KMT2E: variants seen among roughly 807,000 people sequenced by gnomAD.
The protein encoded by KMT2E is lysine methyltransferase 2E (inactive).
In KMT2E, 30 loss-of-function variants were observed where a neutral mutation model predicts 184.6. The observed-to-expected ratio is 0.16, with a 90% CI of 0.12 to 0.22. The LOEUF is 0.22. Among genes scored for constraint, KMT2E ranks in the 10% least tolerant of loss-of-function variants. The pLI, the probability that KMT2E is intolerant of heterozygous loss-of-function variation, is 1.00. For missense variants in KMT2E, 2,023 were observed against 2,237.4 expected, an observed-to-expected ratio of 0.90 and a Z score of 1.93; for synonymous variants, 815 against 776.5, an observed-to-expected ratio of 1.05 and a Z score of -0.82.
Position 105,077,399 on chromosome 7 carries a change from G to A in KMT2E, c.1096G>A (p.Glu366Lys), listed in dbSNP as rs757953663. ...IEYRGKFMLR[E>K]QFEANGYFFK... Reference sequence around the variant, plus strand: ...ATACAGAGGGAAGTTTATGCTGAGAGAACAGTTTGAAGCAAATGGGTATTT... The same window carrying A: ...ATACAGAGGGAAGTTTATGCTGAGAAAACAGTTTGAAGCAAATGGGTATTT... The change falls in exon 11 of 27, where the codon GAA becomes AAA. Residue 366 changes from glutamate (E) to lysine (K), a missense_variant. By Grantham distance (56) the Glu-to-Lys change is moderately conservative. Around this residue, in one of 8 missense-constraint regions of KMT2E, gnomAD observed 68 missense variants for 133.1 expected, o/e 0.51. Transcript: ENST00000311117. The A allele has an allele frequency of 1.2e-6, 2 of 1,609,332 alleles. No individual in the cohort carries two copies. The highest frequency in any genetic ancestry group is 8.5e-7 in the Non-Finnish European group (1 of 1,176,816).
chr7:105,032,471 T>TA (rs1486305299), intron 1 of KMT2E, among the ~76,000 whole-genome samples: 2 of 152,092 alleles, frequency 1.3e-5, no homozygotes, highest in South Asian at 2.1e-4. Flanking sequence ...TGCAGGATTT[T>TA]AAAAAAAAGT....
chr7:105,109,997 A>AT (rs927010742), intron 23 of KMT2E, among the ~76,000 whole-genome samples: 13 of 150,750 alleles, frequency 8.6e-5, no homozygotes, highest in Non-Finnish European at 1.3e-4. Context: ...TGCCTGGCTA[A>AT]TTTTTTTTTG....
chr7:105,087,956 T>A lies in KMT2E; in HGVS notation c.1359-2053T>A, dbSNP rs142399402. 5.3e-3 allele frequency among the ~76,000 whole-genome samples: 814 copies of A among 152,264 alleles called. 2 individuals are homozygous for A. The highest frequency in any genetic ancestry group is 0.014 in the Middle Eastern group (4 of 294). On this transcript the variant is annotated intron_variant, in intron 13 of 26. Transcript: ENST00000311117. ...TGATACTCTTTTTAAATGAAGTTTT[T>A]AAAATGTTCATTATGTTTTCTCTTG...
At position 105,105,710 on chromosome 7, in the gene KMT2E, A is replaced by T; in HGVS notation, c.2451+17A>T. ...TGCAAGAAGGTAAACTTTTCTTTGG[A>T]AGTAAAAATGTAGAATGAGCCAAAT... On this transcript the variant is annotated intron_variant, in intron 18 of 26. Transcript: ENST00000311117. The T allele has an allele frequency of 6.3e-7, 1 of 1,589,906 alleles. No homozygotes were observed. The highest frequency in any genetic ancestry group is 1.4e-5 in the African/African-American group (1 of 73,584).
intron 3 of KMT2E, among the ~76,000 whole-genome samples, chr7:105,060,924 G>C (rs904486912): frequency 6.6e-5 from 10 of 152,164 alleles, no homozygotes; most frequent in African/African-American, 2.4e-4. Context: ...TTTGTGTAAA[G>C]TACACTCTAT....
chr7:105,063,524 G>A lies in KMT2E; in HGVS notation c.360G>A (p.Arg120=), dbSNP rs773460434. The change falls in exon 5 of 27, where the codon AGG becomes AGA. Residue 120 remains arginine, a synonymous_variant. Coordinates refer to ENST00000311117, the MANE Select transcript of KMT2E (RefSeq NM_182931.3). ...EDGSYGTDVT[R]CICGFTHDDG... is the part of the protein sequence containing the mutation. ...GAAGTTATGGTACTGATGTAACCAG[G>A]TGCATATGTGGTTTTACACATGATG... The A allele has an allele frequency of 6.2e-6, 10 of 1,612,878 alleles. No homozygotes were observed. The South Asian group carries it at 1.1e-4, about 18-fold the overall frequency.
At position 105,076,069 on chromosome 7, in the gene KMT2E, A is replaced by G. The variant is rs535470321; in HGVS notation, c.756A>G (p.Ser252=). 12 of 1,599,832 alleles carry G rather than the reference A, an allele frequency of 7.5e-6. No homozygotes were observed. In the South Asian group the frequency reaches 9.9e-5, roughly 13 times the overall value. The part of the protein sequence containing the change: ...KKAFREGSRK[S]SRVKGSAPEI... ...CATTTCGTGAAGGATCTAGGAAGTC[A>G]TCAAGAGTTAAGGTAAATACATTAA... Residue 252 remains serine, a synonymous_variant, in exon 9 of 27, where the codon TCA becomes TCG. Coordinates refer to ENST00000311117, the MANE Select transcript of KMT2E (RefSeq NM_182931.3).
intron 3 of KMT2E, among the ~76,000 whole-genome samples, chr7:105,051,313 G>T (rs890703948): frequency 2.0e-5 from 3 of 152,038 alleles, no homozygotes; most frequent in African/African-American, 4.8e-5. Flanking sequence ...AGCTTCCCAA[G>T]TAGCTGGGAT....
At chr7:105,043,733 G>A (rs1795985220) in intron 3 of KMT2E, among the ~76,000 whole-genome samples, 1 of 152,080 alleles carries the variant, frequency 6.6e-6, no homozygotes, top group Admixed American at 6.6e-5. Flanking sequence ...AGTTTTTGAT[G>A]TTAATTTAGA....
intron 1 of KMT2E, among the ~76,000 whole-genome samples, chr7:105,015,628 TA>T (rs1794684988): frequency 6.6e-6 from 1 of 151,972 alleles, no homozygotes; most frequent in Non-Finnish European, 1.5e-5. Context: ...AGATGGGGAG[TA>T]AAAACTGAAA....
intron 1 of KMT2E, among the ~76,000 whole-genome samples, chr7:105,037,045 T>C (rs1935851495): frequency 6.6e-6 from 1 of 152,216 alleles, no homozygotes; most frequent in Non-Finnish European, 1.5e-5. Context: ...GCTGTTTAAT[T>C]TCCAGTCTCA....
intron 22 of KMT2E, 194 bp from the exon 23 acceptor site, chr7:105,108,748 G>T: frequency 1.8e-6 from 1 of 565,812 alleles, no homozygotes; most frequent in Non-Finnish European, 3.1e-6. Context: ...ATGAGATAAT[G>T]TATGTAAATC....
intron 13 of KMT2E, among the ~76,000 whole-genome samples, chr7:105,086,377 G>C (rs919672487): frequency 2.6e-5 from 4 of 152,144 alleles, no homozygotes; most frequent in African/African-American, 9.7e-5. Context: ...TAAGAAGCTT[G>C]TACCAGTTTC....
At chr7:105,094,671 C>A (rs1194127136) in intron 15 of KMT2E, among the ~76,000 whole-genome samples, 1 of 152,154 alleles carries the variant, frequency 6.6e-6, no homozygotes, top group Non-Finnish European at 1.5e-5. Context: ...TCCATGTAAT[C>A]ACCAAATTTA....
intron 13 of KMT2E, among the ~76,000 whole-genome samples, chr7:105,082,178 A>G (rs1206770663): frequency 6.6e-6 from 1 of 152,220 alleles, no homozygotes; most frequent in African/African-American, 2.4e-5. Context: ...AAAACAAAAG[A>G]AAATTTTCTT....
chr7:105,109,553 G>C (rs1419240714), intron 23 of KMT2E, among the ~76,000 whole-genome samples: 1 of 152,172 alleles, frequency 6.6e-6, no homozygotes, highest in African/African-American at 2.4e-5. Flanking sequence ...TGCTTCTTCA[G>C]AAGGAATAGG....
chr7:105,035,121 T>A (rs1040658627), intron 1 of KMT2E, among the ~76,000 whole-genome samples: 1 of 150,484 alleles, frequency 6.6e-6, no homozygotes, highest in Non-Finnish European at 1.5e-5. Flanking sequence ...GCCTCCTGGG[T>A]TCATGCCATT....
rs559129891 is a variant in KMT2E, at chr7:105,081,433, T to TTAG, written c.1249-253_1249-252insGTA. ...ATGAAATATAGTATTTTTATTATTATTATTATTATTATTATTATTTTGATG... is the reference window on the plus strand; with the variant it reads ...ATGAAATATAGTATTTTTATTATTATTAGTATTATTATTATTATTATTTTGATG... On this transcript the variant is annotated intron_variant, in intron 12 of 26. Coordinates refer to ENST00000311117, the MANE Select transcript of KMT2E (RefSeq NM_182931.3). 2.7e-3 allele frequency among the ~76,000 whole-genome samples: 402 copies of TTAG among 150,418 alleles called. 1 individual carries two copies. The highest frequency in any genetic ancestry group is 9.0e-3 in the African/African-American group (371 of 41,148).
chr7:105,113,175 A>C lies in KMT2E; in HGVS notation c.5419A>C (p.Thr1807Pro), dbSNP rs374000573. Residue 1807 changes from threonine (T) to proline (P), a missense_variant, in exon 27 of 27, where the codon ACT becomes CCT. Coordinates refer to ENST00000311117, the MANE Select transcript of KMT2E (RefSeq NM_182931.3). ...AGGACCAAACAGTATTCCAACACCT[A>C]CTGCTTCAGGGTTCTGTCCTCATCC... is the stretch of plus-strand genomic sequence containing the variant. ...PQGPNSIPTP[T>P]ASGFCPHPGS... 2 of 1,613,932 alleles carry C rather than the reference A, an allele frequency of 1.2e-6. No individual in the cohort carries two copies. Among genetic ancestry groups the C allele is most frequent in the African/African-American group, 2.7e-5 (2 of 74,870 alleles).
Sources: gnomAD v4.1 joint callset for allele counts (sites outside exome capture counted in the v4.1 genomes callset) on GRCh38, gnomAD v4.1.1 for gene constraint, gnomAD v4.1.1 regional missense constraint, MANE v1.5 for transcripts, NCBI Gene and HGNC (gene_info 2026-07-23, HGNC 2026-07-21) for gene names.